The following CYP3A7 variants were observed in gnomAD, a reference collection of about 807,000 sequenced individuals.
The protein encoded by CYP3A7 is cytochrome P450 family 3 subfamily A member 7.
A neutral mutation model predicts 55.2 loss-of-function variants in CYP3A7; 45 were observed. The observed-to-expected ratio is 0.82, with a 90% confidence interval of 0.64 to 1.05. The LOEUF (loss-of-function observed/expected upper bound fraction) is 1.05, where lower values mean the gene tolerates loss of function less well. Ranked by LOEUF, CYP3A7 falls within the 50% of genes least tolerant of loss-of-function variation. CYP3A7 has a pLI of 0.00. For synonymous variants in CYP3A7, 180 were observed against 207.4 expected, an observed-to-expected ratio of 0.87 and a Z score of 1.13; for missense variants, 548 against 605.3, an observed-to-expected ratio of 0.91 and a Z score of 0.99.
rs12534674 is a variant in CYP3A7 at position 99,716,856 on chromosome 7, T to C, written c.521+321A>G. ...AGTGCCTTCCCCTTCCACCATCCCA[T>C]ACACTCCATGCTTAAAACTTTGATA... On this transcript the variant is annotated intron_variant, in intron 6 of 12. Coordinates refer to ENST00000336374, the MANE Select transcript of CYP3A7 (RefSeq NM_000765.5). Among the ~76,000 whole-genome samples, 336 of 152,238 alleles carry C rather than the reference T, an allele frequency of 2.2e-3. 5 individuals are homozygous for C. Among genetic ancestry groups the C allele is most frequent in the Admixed American group, 0.013 (195 of 15,278 alleles).
intron 3 of CYP3A7, among the ~76,000 whole-genome samples, chr7:99,721,272 CAG>C (rs937070921): frequency 6.6e-6 from 1 of 152,078 alleles, no homozygotes; most frequent in African/African-American, 2.4e-5. Flanking sequence ...AATAATAAAA[CAG>C]AATGAAAAAT....
chr7:99,727,357 A>G (rs1814452625), intron 2 of CYP3A7, among the ~76,000 whole-genome samples: 1 of 152,114 alleles, frequency 6.6e-6, no homozygotes, highest in African/African-American at 2.4e-5. Flanking sequence ...CTCACTCCAT[A>G]CAGTTCTCAT....
At chr7:99,727,407 A>G (rs1181919144) in intron 2 of CYP3A7, among the ~76,000 whole-genome samples, 1 of 152,114 alleles carries the variant, frequency 6.6e-6, no homozygotes. Flanking sequence ...CCTGATGCAT[A>G]TACTTTCTGT....
In CYP3A7 at chr7:99,735,174, G is replaced by T. The variant is rs772818097; in HGVS notation, c.-81C>A. On this transcript the variant is annotated 5_prime_UTR_variant, in exon 1 of 13. Coordinates refer to ENST00000336374, the MANE Select transcript of CYP3A7 (RefSeq NM_000765.5). ...CTGTTTGCTGGGCTGTGTGTGTGGAGCTTTCCTGCCCTGCACAGCAGTGAT... is the reference window on the plus strand; with the variant it reads ...CTGTTTGCTGGGCTGTGTGTGTGGATCTTTCCTGCCCTGCACAGCAGTGAT... 201 of 1,565,896 alleles carry T rather than the reference G, an allele frequency of 1.3e-4. No individual in the cohort carries two copies. Among genetic ancestry groups the T allele is most frequent in the Non-Finnish European group, 1.7e-4 (192 of 1,140,944 alleles).
chr7:99,734,385 C>T (rs1814747106), intron 1 of CYP3A7, among the ~76,000 whole-genome samples: 1 of 152,102 alleles, frequency 6.6e-6, no homozygotes, highest in South Asian at 2.1e-4. Flanking sequence ...TCTCCTGCAA[C>T]TTAAAGGGAA....
At chr7:99,733,254 C>T (rs1185647509) in intron 1 of CYP3A7, among the ~76,000 whole-genome samples, 1 of 152,176 alleles carries the variant, frequency 6.6e-6, no homozygotes, top group Non-Finnish European at 1.5e-5. Context: ...ATCTCTCAGG[C>T]CAGGACAAAC....
At chr7:99,730,965 A>G in intron 2 of CYP3A7, 94 bp downstream of exon 2, 6 of 1,503,340 alleles carry the variant, frequency 4.0e-6, no homozygotes, top group Non-Finnish European at 5.5e-6. Flanking sequence ...ATAAAATCTC[A>G]GACCTTCCTC....
At position 99,710,885 on chromosome 7, in the gene CYP3A7, A is replaced by G. The variant is rs765003638; in HGVS notation, c.873T>C (p.Ser291=). ...TTGATTGGGCCATGAGCTCCAGATC[A>G]GACAGAGCTGAAAGGAGAGAAAAGA... ...SKDSETHKAL[S]DLELMAQSII... The change falls in exon 10 of 13, where the codon TCT becomes TCC. Residue 291 remains serine, a synonymous_variant. Coordinates refer to ENST00000336374, the MANE Select transcript of CYP3A7 (RefSeq NM_000765.5). 3.4e-5 allele frequency: 55 copies of G among 1,613,672 alleles called. No individual in the cohort carries two copies. The East Asian group carries it at 8.2e-4, about 24-fold the overall frequency.
intron 2 of CYP3A7, among the ~76,000 whole-genome samples, chr7:99,724,135 G>T (rs1210004178): frequency 1.3e-5 from 2 of 151,984 alleles, no homozygotes; most frequent in African/African-American, 4.8e-5. Context: ...CTCTGGGCTT[G>T]CCCCCTTCAC....
intron 5 of CYP3A7, 61 bp from the exon 6 acceptor site, chr7:99,717,326 A>G: frequency 1.2e-6 from 2 of 1,612,988 alleles, no homozygotes; most frequent in Non-Finnish European, 1.7e-6. Context: ...CCAGAAGGAC[A>G]TGACTTTGCC....
At chr7:99,710,993 A>G (rs1283918665) in intron 9 of CYP3A7, 101 bp from the exon 10 acceptor site, 3 of 1,580,918 alleles carry the variant, frequency 1.9e-6, no homozygotes, top group Non-Finnish European at 1.7e-6. Context: ...TCCCCAGGGG[A>G]AAAAATAGAA....
intron 3 of CYP3A7, among the ~76,000 whole-genome samples, chr7:99,721,718 A>G (rs1362995574): frequency 2.0e-5 from 3 of 151,732 alleles, no homozygotes; most frequent in Non-Finnish European, 2.9e-5. Flanking sequence ...GAGTGTGAAC[A>G]TTGTGAGAAC....
intron 1 of CYP3A7, among the ~76,000 whole-genome samples, chr7:99,731,614 G>T (rs117302153): frequency 6.6e-6 from 1 of 152,242 alleles, no homozygotes; most frequent in Non-Finnish European, 1.5e-5. Flanking sequence ...AGTCACAGGG[G>T]GTCACTGAGA....
chr7:99,717,765 C>T (rs921767827), intron 4 of CYP3A7, 126 bp from the exon 5 acceptor site: 7 of 1,225,518 alleles, frequency 5.7e-6, no homozygotes, highest in African/African-American at 3.0e-5. Context: ...AAGTGACAGG[C>T]CCTATGACAG....
At chr7:99,713,262 G>A (rs2151508726) in intron 9 of CYP3A7, among the ~76,000 whole-genome samples, 1 of 152,250 alleles carries the variant, frequency 6.6e-6, no homozygotes, top group South Asian at 2.1e-4. Flanking sequence ...GTTTTCCTTA[G>A]GGTTGCCCTT....
At chr7:99,717,773 C>T (rs1814022467) in intron 4 of CYP3A7, 134 bp from the exon 5 acceptor site, 2 of 1,145,848 alleles carry the variant, frequency 1.7e-6, no homozygotes, top group Admixed American at 2.0e-5. Flanking sequence ...GGCCCTATGA[C>T]AGATGCTCAA....
intron 4 of CYP3A7, among the ~76,000 whole-genome samples, chr7:99,718,983 T>C (rs1229419962): frequency 4.6e-5 from 7 of 152,158 alleles, no homozygotes; most frequent in Admixed American, 4.6e-4. Context: ...AACTACAAAT[T>C]GCTAAAAGCA....
intron 1 of CYP3A7, 59 bp from the exon 2 acceptor site, chr7:99,731,211 G>T: frequency 1.3e-6 from 2 of 1,594,676 alleles, no homozygotes; most frequent in Non-Finnish European, 1.7e-6. Context: ...TATAGGGGCT[G>T]GTGAGTCACT....
chr7:99,708,094 G>C, intron 11 of CYP3A7, 120 bp from the exon 12 acceptor site: 2 of 1,407,234 alleles, frequency 1.4e-6, no homozygotes, highest in Non-Finnish European at 2.0e-6. Flanking sequence ...TACTTTTGTG[G>C]GCTAGTCACT....
Sources: gnomAD v4.1 joint callset for allele counts (sites outside exome capture counted in the v4.1 genomes callset) on GRCh38, gnomAD v4.1.1 for gene constraint, MANE v1.5 for transcripts, NCBI Gene and HGNC (gene_info 2026-07-23, HGNC 2026-07-21) for gene names.